ZFHX3: variants seen among roughly 807,000 people sequenced by gnomAD.
The protein encoded by ZFHX3 is zinc finger homeobox protein 3.
ZFHX3 carries 42 observed loss-of-function variants against 279.1 expected under a neutral mutation model. That is an observed-to-expected ratio of 0.15 (90% CI 0.12 to 0.19). ZFHX3 has a LOEUF of 0.19. ZFHX3 is among the 10% of genes least tolerant of loss of function. The pLI, the probability that ZFHX3 is intolerant of heterozygous loss-of-function variation, is 1.00. For missense variants in ZFHX3, 4,981 were observed against 4,754.0 expected (o/e 1.05, Z -1.40); for synonymous variants, 2,293 against 1,957.8 (o/e 1.17, Z -4.52).
In ZFHX3 at chr16:72,794,490, C is replaced by T. The variant is rs750838080; in HGVS notation, c.8192G>A (p.Arg2731Gln). 1.1e-5 allele frequency: 18 copies of T among 1,614,030 alleles called. No individual in the cohort carries two copies. Among genetic ancestry groups the T allele is most frequent in the South Asian group, 4.4e-5 (4 of 91,086 alleles). ...CTTGGCTTCATGCCAGTGACGGGAC[C>T]GGATATGAGCCTCAAGAGCAGTCTT... The part of the protein sequence containing the change: ...KAKTALEAHI[R>Q]SRHWHEAKRA... Residue 2731 changes from arginine to glutamine, a missense_variant, in exon 9 of 10, where the codon CGG becomes CAG. By Grantham distance (43) the Arg-to-Gln change is conservative. This residue lies in a region of ZFHX3 where 744 missense variants were observed against 701.3 expected (regional missense o/e 1.06). Transcript: ENST00000268489. The surrounding 1 kb of genome is among the most constrained non-coding windows in gnomAD (Gnocchi z 4.2).
At chr16:73,074,484 C>T (rs1305391430) in intron 8 of ZFHX3, among the ~76,000 whole-genome samples, 1 of 152,214 alleles carries the variant, frequency 6.6e-6, no homozygotes, top group Non-Finnish European at 1.5e-5. Context: ...AGGATAGGCA[C>T]CATATGGAGT....
intron 4 of ZFHX3, among the ~76,000 whole-genome samples, chr16:72,863,831 C>T (rs551272241): frequency 6.6e-5 from 10 of 152,240 alleles, no homozygotes; most frequent in South Asian, 2.1e-4. Context: ...CTCAGGAACA[C>T]AGAAGGTTCA....
At chr16:73,809,132 T>G (rs190402514) in intron 1 of ZFHX3, 2 of 152,324 alleles carry the variant, frequency 1.3e-5, no homozygotes, top group East Asian at 3.9e-4. Flanking sequence ...TCTCCTTTGC[T>G]GTCGGAATGG....
At chr16:73,485,900 C>T (rs1039980100) in intron 2 of ZFHX3, among the ~76,000 whole-genome samples, 10 of 152,116 alleles carry the variant, frequency 6.6e-5, no homozygotes, top group East Asian at 1.9e-4. Context: ...TGCCTAGTGC[C>T]GGAACTTATG....
intron 3 of ZFHX3, among the ~76,000 whole-genome samples, chr16:73,450,132 A>G (rs1008166637): frequency 6.6e-6 from 1 of 152,202 alleles, no homozygotes; most frequent in African/African-American, 2.4e-5. Flanking sequence ...ATCACCACCT[A>G]TAGTTACCAT....
In ZFHX3 at chr16:73,831,459, TG is replaced by T. The variant is rs567074733; in HGVS notation, c.-1608+60191del. Among the ~76,000 whole-genome samples the T allele has an allele frequency of 2.0e-4, 30 of 152,246 alleles. No individual in the cohort carries two copies. The East Asian group carries it at 5.8e-3, about 29-fold the overall frequency. On this transcript the variant is annotated intron_variant, in intron 1 of 17. Transcript: ENST00000641206. ...AGATGGGAATGGGCAAAATGACAGC[TG>T]GAAGAGTGAGGTTTCGGGAAGATGA...
At chr16:73,161,808 C>T (rs548458388) in intron 5 of ZFHX3, among the ~76,000 whole-genome samples, 75 of 152,200 alleles carry the variant, frequency 4.9e-4, no homozygotes, top group South Asian at 4.2e-3. Context: ...CCATAGGTGG[C>T]CTGTTGGACC....
chr16:73,443,583 A>C (rs1159542305), intron 3 of ZFHX3, among the ~76,000 whole-genome samples: 1 of 152,224 alleles, frequency 6.6e-6, no homozygotes, highest in African/African-American at 2.4e-5. Flanking sequence ...GCCAAAGGTC[A>C]GCATTTTCAG....
intron 3 of ZFHX3, among the ~76,000 whole-genome samples, chr16:72,928,935 C>T (rs897756726): frequency 9.9e-5 from 15 of 152,266 alleles, no homozygotes; most frequent in Admixed American, 7.2e-4. Context: ...GCACTCCAGG[C>T]TGGACAACAG....
At chr16:73,063,093 T>A (rs909966625), upstream of ZFHX3, among the ~76,000 whole-genome samples, 2 of 152,150 alleles carry the variant, frequency 1.3e-5, no homozygotes, top group South Asian at 4.1e-4. Flanking sequence ...CCTTTTGTGG[T>A]CTCTGCACGG....
chr16:73,038,208 C>T lies in ZFHX3; in HGVS notation c.-50+9544G>A, dbSNP rs186947901. Among the ~76,000 whole-genome samples the T allele has an allele frequency of 1.5e-3, 230 of 152,052 alleles. 1 individual carries two copies. In the Middle Eastern group the frequency reaches 0.021, roughly 14 times the overall value. On this transcript the variant is annotated intron_variant, in intron 1 of 9. Transcript: ENST00000268489. Reference sequence around the variant, plus strand: ...GTGTGGTGCGAGAGTCCACGGGGCCCTCGGGATATTGACTCCCCCACCCCC... The same window carrying T: ...GTGTGGTGCGAGAGTCCACGGGGCCTTCGGGATATTGACTCCCCCACCCCC...
At chr16:72,848,926 G>A (rs994031631) in intron 4 of ZFHX3, among the ~76,000 whole-genome samples, 2 of 144,112 alleles carry the variant, frequency 1.4e-5, no homozygotes, top group South Asian at 2.2e-4. Flanking sequence ...CAGGCAGAGC[G>A]CCGGGCTGCC....
At chr16:73,115,980 C>A (rs762262345) in intron 7 of ZFHX3, among the ~76,000 whole-genome samples, 172 of 152,102 alleles carry the variant, frequency 1.1e-3, no homozygotes, top group Non-Finnish European at 2.1e-3. Context: ...ATTAGCCGGG[C>A]GTGGTGATGC....
chr16:73,385,686 C>T (rs1455887922), intron 3 of ZFHX3, among the ~76,000 whole-genome samples: 2 of 152,210 alleles, frequency 1.3e-5, no homozygotes, highest in South Asian at 2.1e-4. Context: ...AGCATAAGAC[C>T]TCCAGAGGTG....
At chr16:73,084,801 T>C (rs1010374823) in intron 8 of ZFHX3, among the ~76,000 whole-genome samples, 1 of 152,182 alleles carries the variant, frequency 6.6e-6, no homozygotes, top group Non-Finnish European at 1.5e-5. Flanking sequence ...ATGACAGGCA[T>C]GAGCCACCGC....
At chr16:73,786,533 G>C (rs1157129210) in intron 1 of ZFHX3, among the ~76,000 whole-genome samples, 1 of 152,134 alleles carries the variant, frequency 6.6e-6, no homozygotes, top group Non-Finnish European at 1.5e-5. Flanking sequence ...AATTTCCTTA[G>C]AAGGAGGAAT....
At chr16:73,105,243 T>G (rs1278201577) in intron 7 of ZFHX3, among the ~76,000 whole-genome samples, 1 of 148,960 alleles carries the variant, frequency 6.7e-6, no homozygotes, top group Non-Finnish European at 1.5e-5. Context: ...CTGTCTCTAA[T>G]TTTATATATA....
chr16:73,408,042 G>A (rs1416669769), intron 3 of ZFHX3, among the ~76,000 whole-genome samples: 5 of 151,512 alleles, frequency 3.3e-5, no homozygotes, highest in Non-Finnish European at 7.4e-5. Context: ...GTGAAAAGGG[G>A]TGAGCTGCAG....
intron 4 of ZFHX3, among the ~76,000 whole-genome samples, chr16:72,870,680 T>C (rs1187615494): frequency 3.8e-5 from 5 of 132,410 alleles, no homozygotes; most frequent in African/African-American, 6.0e-5. Flanking sequence ...ATCGCACCAC[T>C]GCACTCCAGC....
Sources: allele counts gnomAD v4.1 joint callset (sites outside exome capture counted in the v4.1 genomes callset), GRCh38; gene constraint gnomAD v4.1.1; regional missense constraint gnomAD v4.1.1; non-coding constraint Gnocchi (gnomAD v3.1); transcripts MANE v1.5; gene names NCBI Gene and HGNC (gene_info 2026-07-23, HGNC 2026-07-21).